ALK: variants seen among roughly 807,000 people sequenced by gnomAD.
ALK encodes the protein ALK tyrosine kinase receptor.
Under a neutral mutation model 163.1 loss-of-function variants are expected in ALK, and 74 were observed. That is an observed-to-expected ratio of 0.45 (90% CI 0.38 to 0.55). ALK has a LOEUF of 0.55. ALK is among the 20% of genes least tolerant of loss of function. ALK has a pLI of 0.00. For synonymous variants in ALK, 960 were observed against 843.2 expected, an observed-to-expected ratio of 1.14 and a Z score of -2.40; for missense variants, 2,063 against 2,105.3, an observed-to-expected ratio of 0.98 and a Z score of 0.39.
At chr2:29,429,293 G>A (rs1342406556) in intron 4 of ALK, among the ~76,000 whole-genome samples, 3 of 151,830 alleles carry the variant, frequency 2.0e-5, no homozygotes, top group African/African-American at 7.2e-5. Context: ...AAAGCAACCA[G>A]ACTGAAAAGA....
At chr2:29,275,971 G>C (rs952448102) in intron 9 of ALK, among the ~76,000 whole-genome samples, 2 of 152,142 alleles carry the variant, frequency 1.3e-5, no homozygotes, top group Non-Finnish European at 2.9e-5. Flanking sequence ...TCAGCCAGTG[G>C]GGCTTAAGTC....
intron 1 of ALK, among the ~76,000 whole-genome samples, chr2:29,777,132 T>C (rs1681198932): frequency 6.6e-6 from 1 of 152,204 alleles, no homozygotes; most frequent in Non-Finnish European, 1.5e-5. Flanking sequence ...AGGGAGGGCA[T>C]CAGGGGCTCA....
At chr2:29,502,411 CCTT>C (rs1042630160) in intron 4 of ALK, among the ~76,000 whole-genome samples, 5 of 152,162 alleles carry the variant, frequency 3.3e-5, no homozygotes, top group African/African-American at 1.2e-4. Context: ...CTCTTGAAAT[CCTT>C]CTCTTGAAGT....
intron 3 of ALK, among the ~76,000 whole-genome samples, chr2:29,568,788 T>C (rs1292797293): frequency 6.6e-6 from 1 of 152,188 alleles, no homozygotes; most frequent in Non-Finnish European, 1.5e-5. Flanking sequence ...TTGTCATCTA[T>C]AAAGATGCTG....
At chr2:29,860,933 G>A (rs373925824) in intron 1 of ALK, among the ~76,000 whole-genome samples, 1 of 152,168 alleles carries the variant, frequency 6.6e-6, no homozygotes, top group Non-Finnish European at 1.5e-5. Context: ...TAATTTGGGA[G>A]GCCAAGGCAG....
chr2:29,283,088 G>C (rs972385966), intron 9 of ALK, among the ~76,000 whole-genome samples: 14 of 152,182 alleles, frequency 9.2e-5, no homozygotes, highest in African/African-American at 3.4e-4. Flanking sequence ...AAAAATACTC[G>C]ACCTACAGTC....
intron 3 of ALK, among the ~76,000 whole-genome samples, chr2:29,609,654 T>G (rs1460076488): frequency 6.6e-6 from 1 of 152,140 alleles, no homozygotes; most frequent in African/African-American, 2.4e-5. Context: ...ATTTTTTTTT[T>G]TTTTTCAGAT....
At chr2:29,632,641 G>A (rs1986516) in intron 3 of ALK, among the ~76,000 whole-genome samples, 95,682 of 151,972 alleles carry the variant, frequency 0.63, 31,018 homozygotes, top group Middle Eastern at 0.73. Flanking sequence ...AGCCCTCAGC[G>A]GAAACCCACT....
intron 1 of ALK, among the ~76,000 whole-genome samples, chr2:29,780,099 C>T (rs562050564): frequency 5.9e-5 from 9 of 152,326 alleles, no homozygotes; most frequent in East Asian, 1.9e-4. Flanking sequence ...CTCTCAAAAA[C>T]GCAGACTGAA....
intron 3 of ALK, among the ~76,000 whole-genome samples, chr2:29,650,439 G>C (rs1677006674): frequency 6.6e-6 from 1 of 152,138 alleles, no homozygotes; most frequent in Non-Finnish European, 1.5e-5. Context: ...TTATGGAAAA[G>C]GGTAACTCTC....
At chr2:29,887,980 G>C (rs1367934110) in intron 1 of ALK, among the ~76,000 whole-genome samples, 1 of 152,162 alleles carries the variant, frequency 6.6e-6, no homozygotes, top group Non-Finnish European at 1.5e-5. Context: ...GTCAGGTCAG[G>C]TAATCATAAA....
chr2:29,474,050 A>AT (rs1327240004), intron 4 of ALK, among the ~76,000 whole-genome samples: 10 of 152,140 alleles, frequency 6.6e-5, no homozygotes, highest in Non-Finnish European at 4.4e-5. Flanking sequence ...CTAGACACAC[A>AT]TTTTTACCCT....
At chr2:29,341,251 T>G (rs1667783017) in intron 5 of ALK, among the ~76,000 whole-genome samples, 2 of 152,244 alleles carry the variant, frequency 1.3e-5, no homozygotes, top group South Asian at 4.1e-4. Context: ...CTCCTTGTAG[T>G]GATCATGTCC....
At chr2:29,553,227 T>C (rs141004341) in intron 3 of ALK, among the ~76,000 whole-genome samples, 122 of 152,298 alleles carry the variant, frequency 8.0e-4, no homozygotes, top group African/African-American at 2.6e-3. Flanking sequence ...GTAAAAAGGC[T>C]GGAGGGAACT....
chr2:29,648,363 C>T (rs1391261164), intron 3 of ALK, among the ~76,000 whole-genome samples: 2 of 152,114 alleles, frequency 1.3e-5, no homozygotes, highest in Non-Finnish European at 2.9e-5. Flanking sequence ...ATAAAATTTA[C>T]CATTTTACTC....
At chr2:29,769,160 T>C (rs1240545564) in intron 1 of ALK, among the ~76,000 whole-genome samples, 1 of 152,188 alleles carries the variant, frequency 6.6e-6, no homozygotes, top group East Asian at 1.9e-4. Flanking sequence ...GTTCTCTTTA[T>C]CTCTCAAATT....
At chr2:29,516,660 A>G (rs958193671) in intron 4 of ALK, among the ~76,000 whole-genome samples, 3 of 152,212 alleles carry the variant, frequency 2.0e-5, no homozygotes, top group African/African-American at 4.8e-5. Flanking sequence ...AACTCTGTTC[A>G]TTACTAGCTG....
rs1156425710 is a variant in ALK, at chr2:29,756,195, TC to T, written c.668-38499del. ...ACTACAATTCTCTTCTTCCCCCTTT[TC>T]ACTTGGCTAAATTGGTCTTGCTTCA... On this transcript the variant is annotated intron_variant, in intron 1 of 28. Coordinates refer to ENST00000389048, the MANE Select transcript of ALK (RefSeq NM_004304.5). Among the ~76,000 whole-genome samples the T allele has an allele frequency of 2.6e-5, 4 of 152,364 alleles. No homozygotes were observed. The South Asian group carries it at 8.3e-4, about 32-fold the overall frequency.
chr2:29,380,639 G>C (rs1668873758), intron 5 of ALK, among the ~76,000 whole-genome samples: 1 of 151,998 alleles, frequency 6.6e-6, no homozygotes, highest in African/African-American at 2.4e-5. Context: ...TCTCCATGTT[G>C]GTCAGGCTGG....
Sources: allele counts gnomAD v4.1 joint callset (sites outside exome capture counted in the v4.1 genomes callset), GRCh38; gene constraint gnomAD v4.1.1; transcripts MANE v1.5; gene names NCBI Gene and HGNC (gene_info 2026-07-23, HGNC 2026-07-21).